SORCS2: variants seen among roughly 807,000 people sequenced by gnomAD.
SORCS2 encodes the protein VPS10 domain-containing receptor SorCS2.
In SORCS2, 100 loss-of-function variants were observed where a neutral mutation model predicts 141.6. The ratio of observed to expected loss-of-function variants is 0.71; its 90% CI spans 0.60 to 0.83. The LOEUF (loss-of-function observed/expected upper bound fraction) is 0.83. Among genes scored for constraint, SORCS2 ranks in the 40% least tolerant of loss-of-function variants. The probability of loss-of-function intolerance (pLI) is 0.00; values close to 1 mark genes in which losing one functional copy is unlikely to be tolerated. For missense variants in SORCS2, 1,646 were observed against 1,560.2 expected (o/e 1.05, Z -0.93); for synonymous variants, 789 against 676.9 (o/e 1.17, Z -2.57).
At chr4:7,521,781 G>C (rs1315532688) in intron 2 of SORCS2, among the ~76,000 whole-genome samples, 1 of 152,224 alleles carries the variant, frequency 6.6e-6, no homozygotes, top group Non-Finnish European at 1.5e-5. Flanking sequence ...TAAAGTGCAG[G>C]TGTGAATACA....
intron 2 of SORCS2, among the ~76,000 whole-genome samples, chr4:7,399,621 G>T (rs73084228): frequency 9.8e-4 from 149 of 152,214 alleles, no homozygotes; most frequent in African/African-American, 3.5e-3. Context: ...GAGGAGGGAA[G>T]CACCATTCTT....
chr4:7,254,606 G>A (rs1713722921), intron 1 of SORCS2, among the ~76,000 whole-genome samples: 2 of 152,134 alleles, frequency 1.3e-5, no homozygotes, highest in Admixed American at 1.3e-4. Flanking sequence ...CCATCTATGT[G>A]TATAACAAAA....
Position 7,201,883 on chromosome 4 carries a change from A to G in SORCS2, c.480+8757A>G, listed in dbSNP as rs1727500479. On this transcript the variant is annotated intron_variant, in intron 1 of 26. Coordinates refer to ENST00000507866, the MANE Select transcript of SORCS2 (RefSeq NM_020777.3). This position sits in a 1 kb window ranked among gnomAD's most constrained non-coding sequence, Gnocchi z 4.4. Reference sequence around the variant, plus strand: ...CTCCCCTTTTGGAAGTCCAGGGAGCAGAGATCCCTGGCTCTGGCCACCGGG... The same window carrying G: ...CTCCCCTTTTGGAAGTCCAGGGAGCGGAGATCCCTGGCTCTGGCCACCGGG... Among the ~76,000 whole-genome samples, 1 of 152,154 alleles carries G rather than the reference A, an allele frequency of 6.6e-6. No homozygotes were observed. Among genetic ancestry groups the G allele is most frequent in the African/African-American group, 2.4e-5 (1 of 41,444 alleles).
Position 7,406,236 on chromosome 4 carries a change from C to T in SORCS2, c.548+9881C>T, listed in dbSNP as rs150902508. 2.7e-3 allele frequency among the ~76,000 whole-genome samples: 400 copies of T among 148,174 alleles called. 1 individual carries two copies. Among genetic ancestry groups the T allele is most frequent in the Middle Eastern group, 6.8e-3 (2 of 294 alleles). On this transcript the variant is annotated intron_variant, in intron 2 of 26. Transcript: ENST00000507866. ...TTTTCTGGTTTTGATATCAGGGAAA[C>T]GCTGGCTTCATAGAATGAGTTTGGA...
At chr4:7,545,056 A>G (rs2109607731) in intron 3 of SORCS2, among the ~76,000 whole-genome samples, 2 of 152,084 alleles carry the variant, frequency 1.3e-5, no homozygotes, top group South Asian at 4.2e-4. Flanking sequence ...TCTCAGAAAT[A>G]GAGTGAACCC....
intron 1 of SORCS2, among the ~76,000 whole-genome samples, chr4:7,389,587 G>A (rs1035336431): frequency 6.6e-6 from 1 of 152,208 alleles, no homozygotes; most frequent in African/African-American, 2.4e-5. Context: ...CTGTGTGCCG[G>A]CCCTGGTGAG....
At chr4:7,218,951 G>A (rs1728535699) in intron 1 of SORCS2, among the ~76,000 whole-genome samples, 1 of 152,086 alleles carries the variant, frequency 6.6e-6, no homozygotes, top group African/African-American at 2.4e-5. Context: ...CAGTGCTCCC[G>A]TGCACTCGGC....
rs4689662 is a variant in SORCS2 at position 7,230,675 on chromosome 4, C to T, written c.480+37549C>T. Among the ~76,000 whole-genome samples, 265 of 71,532 alleles carry T rather than the reference C, an allele frequency of 3.7e-3. 2 individuals are homozygous for T. The highest frequency in any genetic ancestry group is 4.7e-3 in the Non-Finnish European group (147 of 31,380). 46.9% of individuals were successfully genotyped at this position (71,532 alleles called of 152,430 possible). A position where few individuals can be genotyped will look rare whatever the true frequency, so the allele number is the denominator to read the frequency against. ...AAGGAGATGAAGATGGTCAAGTCTT[C>T]GAGTCTCTGGGCAGGAGCAGTGTCA... On this transcript the variant is annotated intron_variant, in intron 1 of 26. Transcript: ENST00000507866.
At chr4:7,277,789 G>A (rs985783622) in intron 1 of SORCS2, among the ~76,000 whole-genome samples, 2 of 152,168 alleles carry the variant, frequency 1.3e-5, no homozygotes, top group Non-Finnish European at 2.9e-5. Flanking sequence ...CCTGCAGAGC[G>A]CTGGGTGCAG....
chr4:7,490,224 T>C (rs1222551272), intron 2 of SORCS2, among the ~76,000 whole-genome samples: 1 of 152,046 alleles, frequency 6.6e-6, no homozygotes, highest in Non-Finnish European at 1.5e-5. Flanking sequence ...CTTTGGGAGC[T>C]CCTTCTTCAC....
intron 8 of SORCS2, 65 bp downstream of exon 8, chr4:7,667,278 C>A: frequency 1.4e-6 from 2 of 1,439,750 alleles, no homozygotes; most frequent in Non-Finnish European, 2.0e-6. Flanking sequence ...ACTCATGGGG[C>A]AACAGGACTC....
chr4:7,368,961 T>C (rs1722080409), intron 1 of SORCS2, among the ~76,000 whole-genome samples: 2 of 152,152 alleles, frequency 1.3e-5, no homozygotes, highest in Non-Finnish European at 2.9e-5. Context: ...CATGTGAGCT[T>C]TCCGCCATCA....
intron 2 of SORCS2, among the ~76,000 whole-genome samples, chr4:7,520,036 G>A (rs1045217678): frequency 6.6e-6 from 1 of 152,230 alleles, no homozygotes; most frequent in Non-Finnish European, 1.5e-5. Context: ...GAGGTGCCGG[G>A]TCAGCCTGGA....
chr4:7,471,214 GC>G (rs1173080409), intron 2 of SORCS2, among the ~76,000 whole-genome samples: 2 of 152,170 alleles, frequency 1.3e-5, no homozygotes, highest in African/African-American at 4.8e-5. Flanking sequence ...TTCCCCGCCG[GC>G]CCCGCTTCCC....
intron 3 of SORCS2, among the ~76,000 whole-genome samples, chr4:7,567,298 C>G (rs1459835551): frequency 1.3e-5 from 2 of 152,102 alleles, no homozygotes; most frequent in African/African-American, 4.8e-5. Flanking sequence ...TACCTAATGC[C>G]TTCATCGATC....
At chr4:7,622,143 T>G (rs1393939481) in intron 3 of SORCS2, among the ~76,000 whole-genome samples, 1 of 152,218 alleles carries the variant, frequency 6.6e-6, no homozygotes, top group Non-Finnish European at 1.5e-5. Flanking sequence ...TCAGCAGGCC[T>G]GAGGCACCTC....
intron 2 of SORCS2, among the ~76,000 whole-genome samples, chr4:7,521,791 A>G (rs1047180680): frequency 3.9e-5 from 6 of 152,320 alleles, no homozygotes; most frequent in Middle Eastern, 3.4e-3. Flanking sequence ...GTGTGAATAC[A>G]TGTACCCTCA....
chr4:7,226,788 C>T (rs984971225), intron 1 of SORCS2, among the ~76,000 whole-genome samples: 5 of 152,154 alleles, frequency 3.3e-5, no homozygotes, highest in East Asian at 1.9e-4. Flanking sequence ...AAGGGGGGCA[C>T]GCCTGCTCCC....
At chr4:7,318,493 C>T (rs368009324) in intron 1 of SORCS2, among the ~76,000 whole-genome samples, 39 of 152,324 alleles carry the variant, frequency 2.6e-4, no homozygotes, top group African/African-American at 9.1e-4. Flanking sequence ...GTCAGACACA[C>T]CTGAGCAAAC....
Sources: allele counts gnomAD v4.1 joint callset (sites outside exome capture counted in the v4.1 genomes callset), GRCh38; gene constraint gnomAD v4.1.1; non-coding constraint Gnocchi (gnomAD v3.1); transcripts MANE v1.5; gene names NCBI Gene and HGNC (gene_info 2026-07-23, HGNC 2026-07-21).